Variants in UGT2A1 observed in about 807,000 individuals in gnomAD.
UGT2A1 encodes UDP-glucuronosyltransferase 2A1.
UGT2A1 carries 61 observed loss-of-function variants against 45.4 expected under a neutral mutation model. The observed-to-expected ratio is 1.34, with a 90% CI of 1.09 to 1.66. The LOEUF (loss-of-function observed/expected upper bound fraction) is 1.66. Ranked by LOEUF, UGT2A1 falls within the 40% of genes most tolerant of loss-of-function variation. UGT2A1 has a pLI of 0.00. For synonymous variants in UGT2A1, 229 were observed against 196.2 expected (o/e 1.17, Z -1.40); for missense variants, 649 against 574.3 (o/e 1.13, Z -1.33).
rs149444317 is a variant in UGT2A1 at position 69,645,350 on chromosome 4, G to A, written c.715+1580C>T. On this transcript the variant is annotated intron_variant, in intron 2 of 6. Coordinates refer to ENST00000286604, the MANE Select transcript of UGT2A1 (RefSeq NM_001252275.3). ...CCCATATTCGCTATCAGGGTTGATTGGGCCACACTATTCTAAAATCCTTTC... is the reference window on the plus strand; with the variant it reads ...CCCATATTCGCTATCAGGGTTGATTAGGCCACACTATTCTAAAATCCTTTC... Among the ~76,000 whole-genome samples, 717 of 151,708 alleles carry A rather than the reference G, an allele frequency of 4.7e-3. 10 individuals carry two copies. The highest frequency in any genetic ancestry group is 4.3e-3 in the Non-Finnish European group (288 of 67,764).
chr4:69,590,469 A>G (rs1718524248), intron 6 of UGT2A1, among the ~76,000 whole-genome samples: 2 of 152,286 alleles, frequency 1.3e-5, no homozygotes, highest in South Asian at 4.1e-4. Context: ...TGTCTGGAAG[A>G]AAAGTTCCAG....
rs148010238 is a variant in UGT2A1 at position 69,633,966 on chromosome 4, CCG to C, written c.847+1723_847+1724del. On this transcript the variant is annotated intron_variant, in intron 3 of 6. Coordinates refer to ENST00000286604, the MANE Select transcript of UGT2A1 (RefSeq NM_001252275.3). ...AATATACAAAATTTTAAAAACCCGG[CCG>C]CGCGCGGTGGCTCACGCCTGTAATC... Among the ~76,000 whole-genome samples the C allele has an allele frequency of 1.5e-3, 221 of 152,190 alleles. 1 individual carries two copies. The highest frequency in any genetic ancestry group is 5.0e-3 in the African/African-American group (208 of 41,526).
chr4:69,607,478 C>G (rs1326544178), intron 3 of UGT2A1, among the ~76,000 whole-genome samples: 1 of 151,934 alleles, frequency 6.6e-6, no homozygotes, highest in South Asian at 2.1e-4. Flanking sequence ...AGAAGAAAAC[C>G]TAGGCAATAC....
At position 69,647,377 on chromosome 4, in the gene UGT2A1, A is replaced by T. The variant is rs113058142; in HGVS notation, c.268T>A (p.Phe90Ile). 15 of 1,613,286 alleles carry T rather than the reference A, an allele frequency of 9.3e-6. No individual in the cohort carries two copies. Among genetic ancestry groups the T allele is most frequent in the African/African-American group, 8.0e-5 (6 of 74,976 alleles). The part of the protein sequence containing the change: ...KERIEGVIKD[F>I]VLTWLENRPS... ...CTATTTTCCAGCCATGTCAAAACGAAGTCCTTAATTACTCCTTCTATTCTT... is the reference window on the plus strand; with the variant it reads ...CTATTTTCCAGCCATGTCAAAACGATGTCCTTAATTACTCCTTCTATTCTT... The change falls in exon 2 of 7, where the codon TTC (phenylalanine) becomes ATC (isoleucine). Residue 90 changes from phenylalanine to isoleucine, a missense_variant. By Grantham distance (21) the Phe-to-Ile change is conservative. Coordinates refer to ENST00000286604, the MANE Select transcript of UGT2A1 (RefSeq NM_001252275.3).
chr4:69,633,444 C>T (rs998973304), intron 3 of UGT2A1, among the ~76,000 whole-genome samples: 1 of 152,208 alleles, frequency 6.6e-6, no homozygotes, highest in Non-Finnish European at 1.5e-5. Context: ...TCCACTCTCA[C>T]GAATATATCC....
At chr4:69,628,797 C>T (rs1414546306) in intron 3 of UGT2A1, among the ~76,000 whole-genome samples, 1 of 147,750 alleles carries the variant, frequency 6.8e-6, no homozygotes, top group African/African-American at 2.5e-5. Flanking sequence ...CGTGAAATGC[C>T]TAAAAACTGA....
intron 3 of UGT2A1, among the ~76,000 whole-genome samples, chr4:69,625,272 T>C (rs1360299217): frequency 1.3e-5 from 2 of 151,098 alleles, no homozygotes; most frequent in Non-Finnish European, 3.0e-5. Context: ...AGAGGCATTT[T>C]ATTTTTCTTT....
At chr4:69,597,669 T>C (rs1719011885) in intron 4 of UGT2A1, among the ~76,000 whole-genome samples, 1 of 152,080 alleles carries the variant, frequency 6.6e-6, no homozygotes, top group Non-Finnish European at 1.5e-5. Context: ...AATTGGTGCT[T>C]TGCCATTTTG....
intron 3 of UGT2A1, among the ~76,000 whole-genome samples, chr4:69,618,912 A>G (rs1031405284): frequency 6.6e-6 from 1 of 151,980 alleles, no homozygotes; most frequent in Non-Finnish European, 1.5e-5. Context: ...AGGTTAGAAG[A>G]AATTTTTTAA....
At chr4:69,618,656 C>T (rs888460580) in intron 3 of UGT2A1, among the ~76,000 whole-genome samples, 2 of 151,850 alleles carry the variant, frequency 1.3e-5, no homozygotes, top group African/African-American at 4.8e-5. Flanking sequence ...AATCTTTATG[C>T]TTTTCAGATT....
At chr4:69,644,684 T>C (rs894865393) in intron 2 of UGT2A1, among the ~76,000 whole-genome samples, 2 of 151,354 alleles carry the variant, frequency 1.3e-5, no homozygotes, top group African/African-American at 4.9e-5. Context: ...AATGACAGAA[T>C]AGCTAGCTCT....
intron 3 of UGT2A1, among the ~76,000 whole-genome samples, chr4:69,633,270 G>C (rs1186435131): frequency 6.6e-6 from 1 of 152,084 alleles, no homozygotes. Flanking sequence ...AAAAACAATA[G>C]AGATCAACAG....
At chr4:69,616,873 T>C (rs1402679648) in intron 3 of UGT2A1, among the ~76,000 whole-genome samples, 3 of 150,908 alleles carry the variant, frequency 2.0e-5, no homozygotes, top group African/African-American at 7.3e-5. Flanking sequence ...CTAAGTTTCA[T>C]TTTCCCACTT....
intron 3 of UGT2A1, among the ~76,000 whole-genome samples, chr4:69,607,689 C>A (rs1719738741): frequency 1.3e-5 from 2 of 152,112 alleles, no homozygotes; most frequent in African/African-American, 4.8e-5. Context: ...GGGCTAATAT[C>A]CAGAATCTAC....
At chr4:69,649,918 C>A (rs1340729283) in intron 1 of UGT2A1, among the ~76,000 whole-genome samples, 2 of 152,068 alleles carry the variant, frequency 1.3e-5, no homozygotes, top group Non-Finnish European at 2.9e-5. Flanking sequence ...TAAGGGCCTG[C>A]ATGTGCATGA....
At chr4:69,624,097 T>C (rs1720904629) in intron 3 of UGT2A1, among the ~76,000 whole-genome samples, 1 of 151,604 alleles carries the variant, frequency 6.6e-6, no homozygotes, top group Admixed American at 6.6e-5. Context: ...AATCTCCAAG[T>C]ATAAATGGGA....
intron 2 of UGT2A1, chr4:69,639,005 C>A (rs894523773): frequency 6.2e-7 from 1 of 1,613,250 alleles, no homozygotes. Flanking sequence ...CAAAGGTCAT[C>A]TGGTCAGTGA....
At chr4:69,607,218 GAGATAAAGA>G (rs1275407944) in intron 3 of UGT2A1, among the ~76,000 whole-genome samples, 31 of 149,764 alleles carry the variant, frequency 2.1e-4, no homozygotes, top group African/African-American at 3.2e-4. Context: ...TACCAAAACA[GAGATAAAGA>G]CCAATGGAAC....
intron 3 of UGT2A1, 107 bp from the exon 4 acceptor site, chr4:69,599,501 A>G (rs1210347573): frequency 6.7e-7 from 1 of 1,498,440 alleles, no homozygotes; most frequent in Non-Finnish European, 9.0e-7. Flanking sequence ...AAAAAACTGA[A>G]TTAGGTCTTC....
Sources: gnomAD v4.1 joint callset for allele counts (sites outside exome capture counted in the v4.1 genomes callset) on GRCh38, gnomAD v4.1.1 for gene constraint, MANE v1.5 for transcripts, NCBI Gene and HGNC (gene_info 2026-07-23, HGNC 2026-07-21) for gene names.